The following SNX31 variants were observed in gnomAD, a reference collection of about 807,000 sequenced individuals.
The protein encoded by SNX31 is sorting nexin-31.
A neutral mutation model predicts 65.4 loss-of-function variants in SNX31; 58 were observed. That is an observed-to-expected ratio of 0.89 (90% CI 0.72 to 1.10). The LOEUF (loss-of-function observed/expected upper bound fraction) is 1.10, where lower values mean the gene tolerates loss of function less well. Among genes scored for constraint, SNX31 ranks in the 50% least tolerant of loss-of-function variants. The probability of loss-of-function intolerance (pLI) is 0.00; values close to 1 mark genes in which losing one functional copy is unlikely to be tolerated. For missense variants in SNX31, 523 were observed against 529.7 expected (o/e 0.99, Z 0.12); for synonymous variants, 181 against 190.1 (o/e 0.95, Z 0.39).
At chr8:100,605,038 A>G (rs1161486590) in intron 8 of SNX31, among the ~76,000 whole-genome samples, 1 of 152,060 alleles carries the variant, frequency 6.6e-6, no homozygotes, top group Non-Finnish European at 1.5e-5. Flanking sequence ...AGCTGGGACT[A>G]CAGGCGTGCG....
intron 12 of SNX31, among the ~76,000 whole-genome samples, chr8:100,577,720 G>A (rs866010444): frequency 6.6e-6 from 1 of 152,214 alleles, no homozygotes; most frequent in Non-Finnish European, 1.5e-5. Flanking sequence ...CTGAAGGGGC[G>A]AGGGAGCAGC....
chr8:100,606,652 T>C (rs989326514), intron 8 of SNX31, among the ~76,000 whole-genome samples: 2 of 152,202 alleles, frequency 1.3e-5, no homozygotes, highest in African/African-American at 4.8e-5. Context: ...TAATAACTTA[T>C]CCACCATCTC....
intron 1 of SNX31, among the ~76,000 whole-genome samples, chr8:100,662,531 C>T (rs1202647894): frequency 6.6e-6 from 1 of 152,128 alleles, no homozygotes; most frequent in East Asian, 1.9e-4. Flanking sequence ...AAACCCGTCT[C>T]TACTAAAATA....
chr8:100,642,521 C>T (rs1819329721), intron 2 of SNX31, among the ~76,000 whole-genome samples: 1 of 152,220 alleles, frequency 6.6e-6, no homozygotes, highest in Non-Finnish European at 1.5e-5. Flanking sequence ...GAAACCTTCC[C>T]AGCAGGTTTT....
Position 100,630,183 on chromosome 8 carries a change from T to A in SNX31, c.321+144A>T. 1.5e-6 allele frequency: 1 copy of A among 671,206 alleles called. No individual in the cohort carries two copies. The highest frequency in any genetic ancestry group is 2.0e-5 in the South Asian group (1 of 49,978). The allele number at this position is 671,206 out of a possible 1,614,324, so 41.6% of individuals were successfully genotyped here. On this transcript the variant is annotated intron_variant, in intron 4 of 13. Coordinates refer to ENST00000311812, the MANE Select transcript of SNX31 (RefSeq NM_152628.4). This position sits in a 1 kb window ranked among gnomAD's most constrained non-coding sequence, Gnocchi z 5.3. ...GAACAAAATAGGAACCATCCCCCAA[T>A]TGACTTGAAATGAATATATTTTGTC...
intron 2 of SNX31, among the ~76,000 whole-genome samples, chr8:100,640,437 T>G (rs1286838254): frequency 6.6e-6 from 1 of 152,132 alleles, no homozygotes; most frequent in African/African-American, 2.4e-5. Context: ...TATCAGATAA[T>G]TTCTATAGAT....
chr8:100,631,418 T>G (rs6985960), intron 3 of SNX31, among the ~76,000 whole-genome samples: 23,023 of 150,166 alleles, frequency 0.15, 2,050 homozygotes, highest in South Asian at 0.25. Context: ...TTCTTCCTTC[T>G]GTTTTCATTG....
In SNX31 at chr8:100,588,292, G is replaced by C. The variant is rs181489769; in HGVS notation, c.1092+574C>G. On this transcript the variant is annotated intron_variant, in intron 11 of 13. Transcript: ENST00000311812. This position sits in a 1 kb window ranked among gnomAD's most constrained non-coding sequence, Gnocchi z 4.8. ...AACAATTCTGGTGCTAAGCATTTGG[G>C]ATAAGGGATACTCAACCAGTGGCTT... 1.3e-5 allele frequency among the ~76,000 whole-genome samples: 2 copies of C among 152,176 alleles called. No individual in the cohort carries two copies. The highest frequency in any genetic ancestry group is 1.3e-4 in the Admixed American group (2 of 15,278).
chr8:100,595,149 A>G (rs182357309), intron 10 of SNX31, among the ~76,000 whole-genome samples: 1 of 152,324 alleles, frequency 6.6e-6, no homozygotes, highest in Admixed American at 6.5e-5. Flanking sequence ...TGGGGCCACA[A>G]AACACGTTTC....
intron 1 of SNX31, among the ~76,000 whole-genome samples, chr8:100,657,017 T>C (rs563965660): frequency 1.2e-4 from 19 of 152,346 alleles, no homozygotes; most frequent in African/African-American, 4.6e-4. Flanking sequence ...GTCATCACCA[T>C]GCTAATGAAG....
rs765980075 is a variant in SNX31 at position 100,594,118 on chromosome 8, C to T, written c.978+2521G>A. Reference sequence around the variant, plus strand: ...AGGAGTTTGAGACCAGCCAGGACAACGTGGTGAAACCTCATCTCTACTAAA... The same window carrying T: ...AGGAGTTTGAGACCAGCCAGGACAATGTGGTGAAACCTCATCTCTACTAAA... On this transcript the variant is annotated intron_variant, in intron 10 of 13. Coordinates refer to ENST00000311812, the MANE Select transcript of SNX31 (RefSeq NM_152628.4). This position sits in a 1 kb window ranked among gnomAD's most constrained non-coding sequence, Gnocchi z 4.0. 5.3e-5 allele frequency among the ~76,000 whole-genome samples: 8 copies of T among 152,132 alleles called. No individual in the cohort carries two copies. Among genetic ancestry groups the T allele is most frequent in the South Asian group, 2.1e-4 (1 of 4,814 alleles).
intron 2 of SNX31, among the ~76,000 whole-genome samples, chr8:100,642,710 T>A (rs149507724): frequency 6.6e-6 from 1 of 152,222 alleles, no homozygotes; most frequent in African/African-American, 2.4e-5. Flanking sequence ...ACAGTTGAGC[T>A]ATCAAAACCA....
chr8:100,624,103 CAAG>C (rs1213266209), intron 4 of SNX31, among the ~76,000 whole-genome samples: 1 of 152,016 alleles, frequency 6.6e-6, no homozygotes, highest in African/African-American at 2.4e-5. Context: ...AGAAGTGACA[CAAG>C]AAAGCTGAAA....
intron 3 of SNX31, among the ~76,000 whole-genome samples, chr8:100,631,335 C>G (rs556556665): frequency 6.6e-6 from 1 of 152,214 alleles, no homozygotes; most frequent in East Asian, 1.9e-4. Context: ...TTTACCCCCA[C>G]TTGCCACAGA....
In SNX31 at chr8:100,616,875, T is replaced by A. The variant is rs140914272; in HGVS notation, c.432+745A>T. 9.8e-5 allele frequency among the ~76,000 whole-genome samples: 15 copies of A among 152,340 alleles called. No individual in the cohort carries two copies. In the East Asian group the frequency reaches 2.9e-3, roughly 29 times the overall value. On this transcript the variant is annotated intron_variant, in intron 5 of 13. Coordinates refer to ENST00000311812, the MANE Select transcript of SNX31 (RefSeq NM_152628.4). The stretch of plus-strand genomic sequence containing the variant: ...GTCCTTTGAAAGGTCCTAGAAACTT[T>A]CTGACTCTTCTTCATGTTTATAACT...
At chr8:100,647,682 A>G (rs1251559070) in intron 2 of SNX31, among the ~76,000 whole-genome samples, 1 of 152,212 alleles carries the variant, frequency 6.6e-6, no homozygotes, top group Non-Finnish European at 1.5e-5. Flanking sequence ...ATTGAAGATC[A>G]GAGGAGAGGT....
intron 3 of SNX31, among the ~76,000 whole-genome samples, chr8:100,631,024 G>A (rs1194150577): frequency 6.6e-6 from 1 of 152,058 alleles, no homozygotes; most frequent in Admixed American, 6.6e-5. Flanking sequence ...CCAACCTCAG[G>A]TGATCTGCCT....
intron 5 of SNX31, among the ~76,000 whole-genome samples, chr8:100,617,313 A>T (rs1401568343): frequency 6.6e-6 from 1 of 152,194 alleles, no homozygotes; most frequent in East Asian, 1.9e-4. Flanking sequence ...CCAGTAATAA[A>T]GCATTTTACA....
intron 2 of SNX31, among the ~76,000 whole-genome samples, chr8:100,642,037 C>G (rs28579534): frequency 0.47 from 70,957 of 151,568 alleles, 16,801 homozygotes; most frequent in South Asian, 0.53. Flanking sequence ...CGAGATCGCG[C>G]CACTGCACTC....
Sources: gnomAD v4.1 joint callset for allele counts (sites outside exome capture counted in the v4.1 genomes callset) on GRCh38, gnomAD v4.1.1 for gene constraint, Gnocchi (gnomAD v3.1) non-coding constraint, MANE v1.5 for transcripts, NCBI Gene and HGNC (gene_info 2026-07-23, HGNC 2026-07-21) for gene names.